Variants in ANGPTL2 observed in about 807,000 individuals in gnomAD.
The protein encoded by ANGPTL2 is angiopoietin like 2.
In ANGPTL2, 25 loss-of-function variants were observed where a neutral mutation model predicts 52.8. The observed-to-expected ratio is 0.47, with a 90% CI of 0.35 to 0.66. The LOEUF (loss-of-function observed/expected upper bound fraction) is 0.66, where lower values mean the gene tolerates loss of function less well. Ranked by LOEUF, ANGPTL2 falls within the 30% of genes least tolerant of loss-of-function variation. ANGPTL2 has a pLI of 0.01. For synonymous variants in ANGPTL2, 276 were observed against 277.4 expected, an observed-to-expected ratio of 1.00 and a Z score of 0.05; for missense variants, 546 against 656.9, an observed-to-expected ratio of 0.83 and a Z score of 1.84.
chr9:127,107,925 G>C lies in ANGPTL2; in HGVS notation c.807C>G (p.Asp269Glu). ...PTLTSLPSST[D>E]KPSGPWRDCL... ...CCCAGAAGCACTTACCCGACGGCTT[G>C]TCGGTGGAAGATGGGAGGCTGGTGA... is the stretch of plus-strand genomic sequence containing the variant. The change falls in exon 2 of 5, where the codon GAC (aspartate) becomes GAG (glutamate). Residue 269 changes from aspartate (D) to glutamate (E), a missense_variant. Around this residue, in one of 2 missense-constraint regions of ANGPTL2, gnomAD observed 261 missense variants for 361.0 expected, o/e 0.72. Coordinates refer to ENST00000373425, the MANE Select transcript of ANGPTL2 (RefSeq NM_012098.3). 6.5e-7 allele frequency: 1 copy of C among 1,532,094 alleles called. No homozygotes were observed. Among genetic ancestry groups the C allele is most frequent in the Non-Finnish European group, 8.8e-7 (1 of 1,135,676 alleles). The allele number at this position is 1,532,094 out of a possible 1,614,324, so 94.9% of individuals were successfully genotyped here. A position where few individuals can be genotyped will look rare whatever the true frequency, so the allele number is the denominator to read the frequency against.
At chr9:127,089,275 TG>T in intron 4 of ANGPTL2, 137 bp from the exon 5 acceptor site, 1 of 869,210 alleles carries the variant, frequency 1.2e-6, no homozygotes, top group Non-Finnish European at 1.8e-6. Flanking sequence ...CCCGTCTCCA[TG>T]GGTGGTGAGA....
chr9:127,106,645 A>T (rs1377738041), intron 2 of ANGPTL2, among the ~76,000 whole-genome samples: 1 of 152,154 alleles, frequency 6.6e-6, no homozygotes, highest in African/African-American at 2.4e-5. Flanking sequence ...CCTGCTCTCA[A>T]TCCTGCACCC....
In ANGPTL2 at chr9:127,091,644, C is replaced by T; in HGVS notation, c.1282+26G>A. On this transcript the variant is annotated intron_variant, in intron 4 of 4. Coordinates refer to ENST00000373425, the MANE Select transcript of ANGPTL2 (RefSeq NM_012098.3). This position sits in a 1 kb window ranked among gnomAD's most constrained non-coding sequence, Gnocchi z 4.3. ...GTTGACCTCTTTTCCCTACCCTGCA[C>T]CTGGGTTTGACTCCACTTTTCCTAC... is the stretch of plus-strand genomic sequence containing the variant. 2 of 1,605,514 alleles carry T rather than the reference C, an allele frequency of 1.2e-6. No homozygotes were observed. The highest frequency in any genetic ancestry group is 1.7e-6 in the Non-Finnish European group (2 of 1,174,556).
At chr9:127,095,011 T>A (rs1359523295) in intron 2 of ANGPTL2, among the ~76,000 whole-genome samples, 2 of 152,206 alleles carry the variant, frequency 1.3e-5, no homozygotes, top group African/African-American at 4.8e-5. Flanking sequence ...CCTTTCTCAT[T>A]GATCTGAGGA....
chr9:127,098,980 G>A (rs924637846), intron 2 of ANGPTL2, among the ~76,000 whole-genome samples: 3 of 152,204 alleles, frequency 2.0e-5, no homozygotes, highest in Non-Finnish European at 2.9e-5. Flanking sequence ...ACATGGCTCC[G>A]TGAATATCTG....
chr9:127,093,372 C>G (rs543313800), intron 3 of ANGPTL2, among the ~76,000 whole-genome samples: 1 of 152,288 alleles, frequency 6.6e-6, no homozygotes, highest in Non-Finnish European at 1.5e-5. Flanking sequence ...GAGAGCGGGT[C>G]TTTCCCCATG....
chr9:127,104,456 T>G (rs531273573), intron 2 of ANGPTL2, among the ~76,000 whole-genome samples: 1 of 152,162 alleles, frequency 6.6e-6, no homozygotes, highest in African/African-American at 2.4e-5. Flanking sequence ...GCAGGATAGG[T>G]GGGGCAGAGG....
intron 1 of ANGPTL2, among the ~76,000 whole-genome samples, chr9:127,113,883 T>C (rs1047347763): frequency 6.6e-6 from 1 of 152,220 alleles, no homozygotes; most frequent in African/African-American, 2.4e-5. Flanking sequence ...CTCTCACCAC[T>C]GTGGTGCCAC....
chr9:127,099,070 G>T (rs943540363), intron 2 of ANGPTL2, among the ~76,000 whole-genome samples: 1 of 152,210 alleles, frequency 6.6e-6, no homozygotes, highest in Non-Finnish European at 1.5e-5. Flanking sequence ...CTGAGGTGTG[G>T]GGGGAGGAGC....
chr9:127,094,300 T>C (rs1471245755), intron 2 of ANGPTL2, among the ~76,000 whole-genome samples: 1 of 152,146 alleles, frequency 6.6e-6, no homozygotes, highest in East Asian at 1.9e-4. Flanking sequence ...GAGTGATCTT[T>C]TTCGTGTTCA....
At chr9:127,099,831 A>G (rs942497064) in intron 2 of ANGPTL2, among the ~76,000 whole-genome samples, 1 of 152,240 alleles carries the variant, frequency 6.6e-6, no homozygotes, top group Non-Finnish European at 1.5e-5. Context: ...ATTTCTGATC[A>G]TTCCAGGGAA....
chr9:127,089,332 T>C (rs529553445), intron 4 of ANGPTL2, among the ~76,000 whole-genome samples, 194 bp from the exon 5 acceptor site: 2 of 152,324 alleles, frequency 1.3e-5, no homozygotes, highest in Admixed American at 1.3e-4. Context: ...TGTAACTAAC[T>C]AGCTGTGTGA....
intron 1 of ANGPTL2, among the ~76,000 whole-genome samples, chr9:127,117,681 G>A (rs919087169): frequency 1.3e-5 from 2 of 152,250 alleles, no homozygotes; most frequent in African/African-American, 4.8e-5. Context: ...TTGCTTGAGA[G>A]CCTGGGCCTG....
chr9:127,093,186 A>T (rs947552579), intron 3 of ANGPTL2, among the ~76,000 whole-genome samples: 6 of 152,130 alleles, frequency 3.9e-5, no homozygotes, highest in African/African-American at 1.4e-4. Flanking sequence ...TGTATGACTG[A>T]GTCCTGGCAA....
intron 1 of ANGPTL2, among the ~76,000 whole-genome samples, chr9:127,113,168 C>T (rs1163139650): frequency 1.3e-5 from 2 of 152,096 alleles, no homozygotes; most frequent in Non-Finnish European, 1.5e-5. Flanking sequence ...CCAGGTAATC[C>T]GGTGGGTTGT....
chr9:127,121,867 C>T (rs930434607), intron 1 of ANGPTL2, among the ~76,000 whole-genome samples: 2 of 152,192 alleles, frequency 1.3e-5, no homozygotes, highest in South Asian at 2.1e-4. Context: ...CTTGCCTTTG[C>T]CTCACATTGT....
chr9:127,101,451 A>G (rs939820860), intron 2 of ANGPTL2, among the ~76,000 whole-genome samples: 7 of 152,128 alleles, frequency 4.6e-5, no homozygotes, highest in African/African-American at 1.2e-4. Context: ...GAGTCCCTCA[A>G]TGCTCTGTGT....
At chr9:127,095,438 C>A (rs1344090988) in intron 2 of ANGPTL2, among the ~76,000 whole-genome samples, 1 of 152,168 alleles carries the variant, frequency 6.6e-6, no homozygotes, top group African/African-American at 2.4e-5. Context: ...CACAATGAGA[C>A]TGGTTAAGGA....
At chr9:127,113,188 C>G (rs754278290) in intron 1 of ANGPTL2, among the ~76,000 whole-genome samples, 2 of 152,152 alleles carry the variant, frequency 1.3e-5, no homozygotes, top group Non-Finnish European at 2.9e-5. Context: ...TTATTCACCC[C>G]TGTTTTATCA....
Sources: allele counts gnomAD v4.1 joint callset (sites outside exome capture counted in the v4.1 genomes callset), GRCh38; gene constraint gnomAD v4.1.1; regional missense constraint gnomAD v4.1.1; non-coding constraint Gnocchi (gnomAD v3.1); transcripts MANE v1.5; gene names NCBI Gene and HGNC (gene_info 2026-07-23, HGNC 2026-07-21).